Variants in SNX31 observed in about 807,000 individuals in gnomAD.
The protein encoded by SNX31 is sorting nexin 31, also known as sorting nexin-31.
SNX31 carries 58 observed loss-of-function variants against 65.4 expected under a neutral mutation model. The observed-to-expected ratio is 0.89, with a 90% CI of 0.72 to 1.10. The LOEUF is 1.10. Ranked by LOEUF, SNX31 falls within the 50% of genes least tolerant of loss-of-function variation. The pLI is 0.00. For synonymous variants in SNX31, 181 were observed against 190.1 expected (o/e 0.95, Z 0.39); for missense variants, 523 against 529.7 (o/e 0.99, Z 0.12).
At chr8:100,641,565 A>ATATAT (rs1310228144) in intron 2 of SNX31, among the ~76,000 whole-genome samples, 22 of 32,098 alleles carry the variant, frequency 6.9e-4, no homozygotes, top group Non-Finnish European at 1.0e-3. Flanking sequence ...AAAAAAAAAA[A>ATATAT]ATATATATAT....
intron 8 of SNX31, among the ~76,000 whole-genome samples, chr8:100,605,023 C>G (rs952063833): frequency 6.6e-6 from 1 of 152,090 alleles, no homozygotes; most frequent in Non-Finnish European, 1.5e-5. Flanking sequence ...CTCGGCCTCC[C>G]GAGTAGCTGG....
At chr8:100,642,517 T>G (rs1819329537) in intron 2 of SNX31, among the ~76,000 whole-genome samples, 1 of 152,208 alleles carries the variant, frequency 6.6e-6, no homozygotes, top group Non-Finnish European at 1.5e-5. Flanking sequence ...AGCAGAAACC[T>G]TCCCAGCAGG....
At chr8:100,640,494 G>A (rs1293549255) in intron 2 of SNX31, among the ~76,000 whole-genome samples, 1 of 152,190 alleles carries the variant, frequency 6.6e-6, no homozygotes, top group Non-Finnish European at 1.5e-5. Flanking sequence ...AGTGTGGGCT[G>A]CATGTAGTGA....
chr8:100,596,352 G>A (rs914639009), intron 10 of SNX31, among the ~76,000 whole-genome samples: 25 of 152,092 alleles, frequency 1.6e-4, no homozygotes, highest in Non-Finnish European at 2.9e-4. Context: ...CTCAATAAAT[G>A]GTAGCTGTTA....
rs147376243 is a variant in SNX31, at chr8:100,649,288, C to G, written c.127G>C (p.Gly43Arg). 4 of 1,614,056 alleles carry G rather than the reference C, an allele frequency of 2.5e-6. No homozygotes were observed. The South Asian group carries it at 4.4e-5, about 18-fold the overall frequency. ...AATCTGCTCACCTGTTCGTTCCAAC[C>G]GTGCAGCTGGCTGTAGCGCACCCTG... is the stretch of plus-strand genomic sequence containing the variant. ...FCRVRYSQLH[G>R]WNEQLRRVFG... The change falls in exon 2 of 14, where the codon GGT becomes CGT. Residue 43 changes from glycine to arginine, a missense_variant. Coordinates refer to ENST00000311812, the MANE Select transcript of SNX31 (RefSeq NM_152628.4).
At chr8:100,603,294 G>C (rs1244841039) in intron 8 of SNX31, among the ~76,000 whole-genome samples, 1 of 152,170 alleles carries the variant, frequency 6.6e-6, no homozygotes, top group African/African-American at 2.4e-5. Flanking sequence ...GAAAAGAAGG[G>C]ATGGCTGTGT....
chr8:100,574,640 A>AAC (rs1554567824), intron 13 of SNX31, among the ~76,000 whole-genome samples: 1 of 151,560 alleles, frequency 6.6e-6, no homozygotes, highest in East Asian at 1.9e-4. Flanking sequence ...TAAAAAAAAA[A>AAC]AAAAAAAGAA....
intron 8 of SNX31, among the ~76,000 whole-genome samples, chr8:100,602,687 G>C (rs956353048): frequency 3.3e-5 from 5 of 152,176 alleles, no homozygotes; most frequent in African/African-American, 4.8e-5. Context: ...TGGGATACCA[G>C]GATGGTGATA....
chr8:100,659,364 A>T (rs1809739671), intron 1 of SNX31, among the ~76,000 whole-genome samples: 1 of 145,730 alleles, frequency 6.9e-6, no homozygotes, highest in Non-Finnish European at 1.5e-5. Flanking sequence ...AAAAAAAAAA[A>T]AAAAAAAAAA....
chr8:100,594,957 T>C lies in SNX31; in HGVS notation c.978+1682A>G, dbSNP rs914265471. 1.3e-5 allele frequency among the ~76,000 whole-genome samples: 2 copies of C among 152,182 alleles called. No homozygotes were observed. Among genetic ancestry groups the C allele is most frequent in the African/African-American group, 2.4e-5 (1 of 41,450 alleles). On this transcript the variant is annotated intron_variant, in intron 10 of 13. Transcript: ENST00000311812. The surrounding 1 kb of genome is among the most constrained non-coding windows in gnomAD (Gnocchi z 4.0). Reference sequence around the variant, plus strand: ...GCACATCCAGACCATGGACTGCTGCTCAACAATAAAAAGAGACAAACTACT... The same window carrying C: ...GCACATCCAGACCATGGACTGCTGCCCAACAATAAAAAGAGACAAACTACT...
chr8:100,633,650 C>T (rs2131201126), intron 3 of SNX31, among the ~76,000 whole-genome samples: 1 of 152,208 alleles, frequency 6.6e-6, no homozygotes, highest in East Asian at 1.9e-4. Context: ...GATGATCTGC[C>T]CACCTCAGCC....
At chr8:100,644,451 C>T (rs937864954) in intron 2 of SNX31, among the ~76,000 whole-genome samples, 1 of 146,792 alleles carries the variant, frequency 6.8e-6, no homozygotes, top group African/African-American at 2.6e-5. Flanking sequence ...ATAAATCAAA[C>T]TGGTTTTGTT....
intron 1 of SNX31, among the ~76,000 whole-genome samples, chr8:100,657,046 G>A (rs1387577822): frequency 2.0e-5 from 3 of 152,212 alleles, no homozygotes; most frequent in Non-Finnish European, 4.4e-5. Context: ...GAAAGATGGC[G>A]TGCCATTGGA....
chr8:100,580,204 G>A (rs1483190489), intron 12 of SNX31, among the ~76,000 whole-genome samples: 2 of 146,596 alleles, frequency 1.4e-5, no homozygotes, highest in African/African-American at 5.0e-5. Context: ...GAAAATAATT[G>A]ACCAGCATAC....
Position 100,608,501 on chromosome 8 carries a change from T to C in SNX31, c.674A>G (p.Tyr225Cys), listed in dbSNP as rs1816394819. 1 of 1,613,954 alleles carries C rather than the reference T, an allele frequency of 6.2e-7. No individual in the cohort carries two copies. Among genetic ancestry groups the C allele is most frequent in the Non-Finnish European group, 8.5e-7 (1 of 1,179,958 alleles). The change falls in exon 8 of 14, where the codon TAC becomes TGC. Residue 225 changes from tyrosine to cysteine, a missense_variant. Coordinates refer to ENST00000311812, the MANE Select transcript of SNX31 (RefSeq NM_152628.4). ...MDCRVAVDLL[Y>C]MQAIQDIEKG... ...GCTCTTGGTGACCCTCACCTGCATG[T>C]AGAGCAAATCTACCGCCACCCTGCA... is the stretch of plus-strand genomic sequence containing the variant.
intron 12 of SNX31, among the ~76,000 whole-genome samples, chr8:100,583,250 G>A (rs1050040820): frequency 6.6e-6 from 1 of 151,572 alleles, no homozygotes; most frequent in African/African-American, 2.4e-5. Flanking sequence ...GGGACTACAG[G>A]TACCCACCAC....
chr8:100,586,075 C>T (rs1814019394), intron 11 of SNX31, among the ~76,000 whole-genome samples: 1 of 152,110 alleles, frequency 6.6e-6, no homozygotes, highest in Non-Finnish European at 1.5e-5. Context: ...TGCCTGCCAC[C>T]ATGCCCAGAT....
intron 4 of SNX31, among the ~76,000 whole-genome samples, chr8:100,619,394 A>G (rs1052403559): frequency 1.6e-4 from 24 of 152,198 alleles, no homozygotes; most frequent in Admixed American, 1.5e-3. Flanking sequence ...CTCCTGCTGG[A>G]CACAACTCTG....
At chr8:100,599,928 T>C (rs1211082451) in intron 9 of SNX31, among the ~76,000 whole-genome samples, 1 of 152,214 alleles carries the variant, frequency 6.6e-6, no homozygotes, top group African/African-American at 2.4e-5. Flanking sequence ...GTGCTGTGAA[T>C]ACACAGAGTA....
Sources: gnomAD v4.1 joint callset for allele counts (sites outside exome capture counted in the v4.1 genomes callset) on GRCh38, gnomAD v4.1.1 for gene constraint, Gnocchi (gnomAD v3.1) non-coding constraint, MANE v1.5 for transcripts, NCBI Gene and HGNC (gene_info 2026-07-23, HGNC 2026-07-21) for gene names.